Variants in FOXP1 observed in about 807,000 individuals in gnomAD.
The protein encoded by FOXP1 is forkhead box protein P1.
In FOXP1, 15 loss-of-function variants were observed where a neutral mutation model predicts 98.2. The observed-to-expected ratio is 0.15, with a 90% confidence interval of 0.10 to 0.24. FOXP1 has a LOEUF of 0.24. Ranked by LOEUF, FOXP1 falls within the 10% of genes least tolerant of loss-of-function variation. The pLI, the probability that FOXP1 is intolerant of heterozygous loss-of-function variation, is 1.00. For synonymous variants in FOXP1, 371 were observed against 314.5 expected (o/e 1.18, Z -1.90); for missense variants, 633 against 848.5 (o/e 0.75, Z 3.15).
intron 5 of FOXP1, among the ~76,000 whole-genome samples, chr3:71,263,455 G>C (rs2069352201): frequency 6.6e-6 from 1 of 152,134 alleles, no homozygotes; most frequent in Admixed American, 6.5e-5. Context: ...TTAAATGCTT[G>C]ACCTTCCTTC....
At chr3:71,231,454 A>G (rs2066280943) in intron 5 of FOXP1, among the ~76,000 whole-genome samples, 1 of 152,200 alleles carries the variant, frequency 6.6e-6, no homozygotes. Context: ...AAAATAGGAG[A>G]GATTTTCTAA....
intron 19 of FOXP1, 167 bp from the exon 20 acceptor site, chr3:70,966,223 G>A (rs2034736897): frequency 1.5e-6 from 1 of 688,012 alleles, no homozygotes. Flanking sequence ...AACGACTCGT[G>A]GCACCTGTCC....
chr3:71,574,850 AACTGT>A, intron 2 of FOXP1, among the ~76,000 whole-genome samples: 1 of 152,304 alleles, frequency 6.6e-6, no homozygotes, highest in South Asian at 2.1e-4. Context: ...CACGTTATTG[AACTGT>A]GAGGCTCTTG....
chr3:71,391,262 G>C (rs952742711), intron 3 of FOXP1, among the ~76,000 whole-genome samples: 3 of 152,082 alleles, frequency 2.0e-5, no homozygotes, highest in African/African-American at 7.2e-5. Flanking sequence ...TTTTCTTACT[G>C]TCTTAACCAC....
chr3:71,287,824 A>C (rs920579496), intron 5 of FOXP1, among the ~76,000 whole-genome samples: 1 of 152,204 alleles, frequency 6.6e-6, no homozygotes, highest in African/African-American at 2.4e-5. Context: ...GGATTTAGTT[A>C]CAATGTTGAA....
intron 2 of FOXP1, among the ~76,000 whole-genome samples, chr3:71,509,660 T>C (rs773416465): frequency 1.4e-4 from 22 of 152,114 alleles, no homozygotes; most frequent in Non-Finnish European, 2.4e-4. Flanking sequence ...GATGGGAGAA[T>C]TGCTTGAGGC....
Position 70,955,164 on chromosome 3 carries a change from G to A in FOXP1, c.*4083C>T. ...TAAGCACACTCTTCTTTGTGCCTTT[G>A]GAAACGGAGTTCAGCTGGAATATGG... On this transcript the variant is annotated 3_prime_UTR_variant, in exon 21 of 21. Transcript: ENST00000649528. The A allele has an allele frequency of 4.3e-6, 1 of 232,450 alleles. No individual in the cohort carries two copies. Among genetic ancestry groups the A allele is most frequent in the Non-Finnish European group, 8.5e-6 (1 of 117,592 alleles). The allele number at this position is 232,450 out of a possible 1,614,324, so 14.4% of individuals were successfully genotyped here.
chr3:71,094,342 T>C (rs1390059467), intron 7 of FOXP1, among the ~76,000 whole-genome samples: 1 of 149,328 alleles, frequency 6.7e-6, no homozygotes, highest in Non-Finnish European at 1.5e-5. Context: ...TGCAGTGGCG[T>C]GATCTCAGCT....
intron 7 of FOXP1, among the ~76,000 whole-genome samples, chr3:71,084,136 G>A (rs937706749): frequency 6.6e-6 from 1 of 151,916 alleles, no homozygotes; most frequent in African/African-American, 2.4e-5. Context: ...TTTTTCTTTC[G>A]ATCACCCCAA....
chr3:71,056,528 G>A (rs1300522075), intron 7 of FOXP1, among the ~76,000 whole-genome samples: 1 of 152,184 alleles, frequency 6.6e-6, no homozygotes, highest in Non-Finnish European at 1.5e-5. Context: ...TGCCAAAGGA[G>A]GGAAGGAAGC....
At chr3:71,089,636 C>T (rs1172790070) in intron 7 of FOXP1, among the ~76,000 whole-genome samples, 2 of 152,314 alleles carry the variant, frequency 1.3e-5, no homozygotes, top group East Asian at 3.9e-4. Flanking sequence ...ATCCTTGCCA[C>T]ATGGGGATCA....
At chr3:71,562,622 C>T (rs898362042) in intron 2 of FOXP1, among the ~76,000 whole-genome samples, 2 of 152,188 alleles carry the variant, frequency 1.3e-5, no homozygotes, top group African/African-American at 2.4e-5. Context: ...ACAACCCAGA[C>T]AGGTACCTAT....
intron 5 of FOXP1, among the ~76,000 whole-genome samples, chr3:71,211,119 C>T (rs1419895991): frequency 6.6e-6 from 1 of 152,130 alleles, no homozygotes; most frequent in Non-Finnish European, 1.5e-5. Context: ...TCACCTATTC[C>T]TTATCACGAG....
At chr3:70,970,292 C>T in intron 19 of FOXP1, 1 of 193,574 alleles carries the variant, frequency 5.2e-6, no homozygotes, top group South Asian at 9.2e-5. Flanking sequence ...CAGACAAAAG[C>T]CAAGATGCTA....
chr3:70,984,754 G>C (rs2039447686), intron 14 of FOXP1, among the ~76,000 whole-genome samples: 1 of 152,134 alleles, frequency 6.6e-6, no homozygotes, highest in Non-Finnish European at 1.5e-5. Context: ...GAAGGAGTCT[G>C]AGGGATGGGA....
chr3:71,490,512 G>A (rs1321113907), intron 3 of FOXP1, among the ~76,000 whole-genome samples: 3 of 151,408 alleles, frequency 2.0e-5, no homozygotes, highest in African/African-American at 7.3e-5. Context: ...AAAAAAAAAT[G>A]GGAGGAGAAT....
chr3:71,278,709 G>C (rs929778694), intron 5 of FOXP1, among the ~76,000 whole-genome samples: 1 of 152,182 alleles, frequency 6.6e-6, no homozygotes, highest in Non-Finnish European at 1.5e-5. Flanking sequence ...TTGAACATGG[G>C]AGGCGGAGCT....
At chr3:71,271,933 A>G (rs2070397154) in intron 5 of FOXP1, among the ~76,000 whole-genome samples, 1 of 152,212 alleles carries the variant, frequency 6.6e-6, no homozygotes, top group African/African-American at 2.4e-5. Flanking sequence ...AAGACCTACT[A>G]TGTGTAAAAT....
intron 7 of FOXP1, among the ~76,000 whole-genome samples, chr3:71,079,024 T>C (rs1362797089): frequency 6.6e-6 from 1 of 152,170 alleles, no homozygotes; most frequent in African/African-American, 2.4e-5. Context: ...CGGTTTGGTT[T>C]TGCCCCTTCC....
Sources: allele counts gnomAD v4.1 joint callset (sites outside exome capture counted in the v4.1 genomes callset), GRCh38; gene constraint gnomAD v4.1.1; transcripts MANE v1.5; gene names NCBI Gene and HGNC (gene_info 2026-07-23, HGNC 2026-07-21).